Variants in DPY19L3 observed in about 807,000 individuals in gnomAD.
DPY19L3 encodes the protein protein C-mannosyl-transferase DPY19L3.
Under a neutral mutation model 92.3 loss-of-function variants are expected in DPY19L3, and 51 were observed. The ratio of observed to expected loss-of-function variants is 0.55; its 90% confidence interval spans 0.44 to 0.70. The LOEUF (loss-of-function observed/expected upper bound fraction) is 0.70, where lower values mean the gene tolerates loss of function less well. Ranked by LOEUF, DPY19L3 falls within the 30% of genes least tolerant of loss-of-function variation. The pLI is 0.00. For missense variants in DPY19L3, 706 were observed against 855.9 expected (o/e 0.82, Z 2.18); for synonymous variants, 309 against 315.2 (o/e 0.98, Z 0.21).
chr19:32,449,345 C>T (rs1017343189), intron 8 of DPY19L3, among the ~76,000 whole-genome samples: 16 of 152,084 alleles, frequency 1.1e-4, no homozygotes, highest in African/African-American at 3.9e-4. Context: ...TGGCAGTGCC[C>T]CCCAAATTGA....
Position 32,463,563 on chromosome 19 carries a change from G to A in DPY19L3, c.1445+75G>A. 3 of 1,496,546 alleles carry A rather than the reference G, an allele frequency of 2.0e-6. No homozygotes were observed. The South Asian group carries it at 3.7e-5, about 19-fold the overall frequency. The allele number at this position is 1,496,546 out of a possible 1,614,324, so 92.7% of individuals were successfully genotyped here. On this transcript the variant is annotated intron_variant, in intron 13 of 18. Transcript: ENST00000392250. ...GTTACTTAGCAATATAATTTGGAAA[G>A]TGACAATCATCTTCATTAATGATCA...
intron 16 of DPY19L3, 78 bp from the exon 17 acceptor site, chr19:32,477,444 A>G: frequency 6.4e-7 from 1 of 1,565,434 alleles, no homozygotes; most frequent in Non-Finnish European, 8.7e-7. Context: ...TTCTTCTGAA[A>G]AAGTTTGATA....
chr19:32,406,307 G>A (rs1181040015), intron 1 of DPY19L3: 2 of 152,346 alleles, frequency 1.3e-5, no homozygotes, highest in East Asian at 1.9e-4. Context: ...GCGTAGGTAA[G>A]CGGACCCGGT....
chr19:32,414,108 C>A (rs1968294054), intron 3 of DPY19L3, among the ~76,000 whole-genome samples: 2 of 152,016 alleles, frequency 1.3e-5, no homozygotes, highest in African/African-American at 4.8e-5. Context: ...CATGGTGAAA[C>A]CCCGTCTCTA....
In DPY19L3 at chr19:32,436,447, T is replaced by C; in HGVS notation, c.330T>C (p.Gly110=). ...TCCTGACTTTTCACATATCTATAGGTTTTCATGGCCTAATATATGATAATA... is the reference window on the plus strand; with the variant it reads ...TCCTGACTTTTCACATATCTATAGGCTTTCATGGCCTAATATATGATAATA... ...QMLQAPTLVQ[G]FHGLIYDNKT... is the part of the protein sequence containing the mutation. The change falls in exon 5 of 19, where the codon GGT becomes GGC. Residue 110 remains glycine (G), a splice_region_variant and synonymous_variant. Transcript: ENST00000392250. 1 of 1,497,976 alleles carries C rather than the reference T, an allele frequency of 6.7e-7. No homozygotes were observed. Among genetic ancestry groups the C allele is most frequent in the Non-Finnish European group, 9.1e-7 (1 of 1,099,700 alleles). The allele number at this position is 1,497,976 out of a possible 1,614,324, so 92.8% of individuals were successfully genotyped here. A position where few individuals can be genotyped will look rare whatever the true frequency, so the allele number is the denominator to read the frequency against.
chr19:32,452,060 A>G (rs1370912934), intron 8 of DPY19L3, among the ~76,000 whole-genome samples: 2 of 152,116 alleles, frequency 1.3e-5, no homozygotes, highest in African/African-American at 4.8e-5. Flanking sequence ...AACTGGGCTC[A>G]AGCAATCCTT....
rs952117127 is a variant in DPY19L3 at position 32,480,298 on chromosome 19, G to A, written c.1831-101G>A. 51 of 1,332,770 alleles carry A rather than the reference G, an allele frequency of 3.8e-5. No homozygotes were observed. In the African/African-American group the frequency reaches 6.3e-4, roughly 17 times the overall value. 82.6% of individuals were successfully genotyped at this position (1,332,770 alleles called of 1,614,324 possible). A position where few individuals can be genotyped will look rare whatever the true frequency, so the allele number is the denominator to read the frequency against. On this transcript the variant is annotated intron_variant, in intron 17 of 18. Transcript: ENST00000392250. ...CTGGGCTGGAGAGAGCACCTTGGGT[G>A]TTAGGTCTTAGACTCAGCCCTGTGG... is the stretch of plus-strand genomic sequence containing the variant.
At position 32,482,214 on chromosome 19, in the gene DPY19L3, G is replaced by A. The variant is rs762277929; in HGVS notation, c.2125G>A (p.Val709Ile). The change falls in exon 19 of 19, where the codon GTT (valine) becomes ATT (isoleucine). Residue 709 changes from valine to isoleucine, a missense_variant. By Grantham distance (29) the Val-to-Ile change is conservative (BLOSUM62 3). Coordinates refer to ENST00000392250, the MANE Select transcript of DPY19L3 (RefSeq NM_001172774.2). ...AGTGTTCCAGAACAAAACCTTCCAC[G>A]TTTACAAGCTGTCCAGAAACAAGTA... is the stretch of plus-strand genomic sequence containing the variant. ...TRVFQNKTFH[V>I]YKLSRNK The A allele has an allele frequency of 6.2e-6, 10 of 1,612,944 alleles. No individual in the cohort carries two copies. Among genetic ancestry groups the A allele is most frequent in the Middle Eastern group, 1.6e-4 (1 of 6,076 alleles).
At chr19:32,434,229 G>A (rs1969063806) in intron 4 of DPY19L3, among the ~76,000 whole-genome samples, 1 of 152,146 alleles carries the variant, frequency 6.6e-6, no homozygotes, top group Non-Finnish European at 1.5e-5. Context: ...CCTCTGGCAT[G>A]CGTGTTTCCC....
chr19:32,419,883 G>A (rs1599595314), intron 3 of DPY19L3, among the ~76,000 whole-genome samples: 1 of 130,286 alleles, frequency 7.7e-6, no homozygotes, highest in South Asian at 2.4e-4. Context: ...TTTTTGAGAC[G>A]GAGCCTTGCT....
chr19:32,463,777 C>T, intron 13 of DPY19L3, 92 bp from the exon 14 acceptor site: 1 of 1,162,920 alleles, frequency 8.6e-7, no homozygotes, highest in Non-Finnish European at 1.3e-6. Context: ...ATTTTGCCGT[C>T]ATAGACTGTA....
At chr19:32,440,568 C>T (rs2145505165) in intron 8 of DPY19L3, among the ~76,000 whole-genome samples, 1 of 152,286 alleles carries the variant, frequency 6.6e-6, no homozygotes, top group African/African-American at 2.4e-5. Context: ...GATTTGTGCT[C>T]ATTTATTCCA....
chr19:32,477,092 T>A (rs543548063), intron 16 of DPY19L3, among the ~76,000 whole-genome samples: 2 of 152,176 alleles, frequency 1.3e-5, no homozygotes, highest in African/African-American at 4.8e-5. Flanking sequence ...TTTGTTAGAC[T>A]CTGCCCCTCT....
In DPY19L3 at chr19:32,437,281, C is replaced by T. The variant is rs752584836; in HGVS notation, c.538C>T (p.Leu180=). Reference sequence around the variant, plus strand: ...CACAGCTCTCTACATAACCAGCTGGCTACTCAGTGGTACATGGCTGTCAGG... The same window carrying T: ...CACAGCTCTCTACATAACCAGCTGGTTACTCAGTGGTACATGGCTGTCAGG... ...YVTALYITSW[L]LSGTWLSGLL... Residue 180 remains leucine (L), a synonymous_variant, in exon 6 of 19, where the codon CTA becomes TTA. Transcript: ENST00000392250. 2.6e-5 allele frequency: 42 copies of T among 1,614,120 alleles called. No homozygotes were observed. The highest frequency in any genetic ancestry group is 3.5e-5 in the Non-Finnish European group (41 of 1,180,012).
intron 3 of DPY19L3, among the ~76,000 whole-genome samples, chr19:32,431,327 G>A (rs911566044): frequency 5.3e-5 from 8 of 151,146 alleles, no homozygotes; most frequent in African/African-American, 1.2e-4. Context: ...GCAGTGAGCC[G>A]AGATCGCACC....
chr19:32,422,862 A>G (rs1437448083), intron 3 of DPY19L3, among the ~76,000 whole-genome samples: 1 of 152,206 alleles, frequency 6.6e-6, no homozygotes, highest in Non-Finnish European at 1.5e-5. Flanking sequence ...CAATAAGGAG[A>G]AACAAAAGTC....
chr19:32,430,780 A>G (rs576152730), intron 3 of DPY19L3, among the ~76,000 whole-genome samples: 15 of 137,616 alleles, frequency 1.1e-4, no homozygotes, highest in African/African-American at 3.4e-4. Flanking sequence ...GCATGCCACT[A>G]TGCCTGGCTA....
At position 32,463,435 on chromosome 19, in the gene DPY19L3, C is replaced by G; in HGVS notation, c.1392C>G (p.Ala464=). 6.2e-7 allele frequency: 1 copy of G among 1,613,804 alleles called. No individual in the cohort carries two copies. ...CAGTTGACCTGAAACCAGAAACTGC[C>G]TACAACTTAATACATACCATTCTGT... The part of the protein sequence containing the change: ...KGTVDLKPET[A]YNLIHTILFG... The change falls in exon 13 of 19, where the codon GCC becomes GCG. Residue 464 remains alanine (A), a synonymous_variant. Transcript: ENST00000392250.
chr19:32,470,983 T>A (rs1970342158), intron 16 of DPY19L3, among the ~76,000 whole-genome samples: 2 of 152,168 alleles, frequency 1.3e-5, no homozygotes, highest in Admixed American at 1.3e-4. Context: ...ATAGGGTCTA[T>A]GTAGACATCA....
Sources: gnomAD v4.1 joint callset for allele counts (sites outside exome capture counted in the v4.1 genomes callset) on GRCh38, gnomAD v4.1.1 for gene constraint, MANE v1.5 for transcripts, NCBI Gene and HGNC (gene_info 2026-07-23, HGNC 2026-07-21) for gene names.